Variants in TTC23 observed in about 807,000 individuals in gnomAD.
TTC23 encodes tetratricopeptide repeat protein 23.
Under a neutral mutation model 55.1 loss-of-function variants are expected in TTC23, and 58 were observed. The ratio of observed to expected loss-of-function variants is 1.05; its 90% CI spans 0.85 to 1.31. The LOEUF is 1.31. TTC23 is among the 50% of genes most tolerant of loss of function. TTC23 has a pLI of 0.00. For synonymous variants in TTC23, 203 were observed against 199.9 expected (o/e 1.02, Z -0.13); for missense variants, 516 against 534.4 (o/e 0.97, Z 0.34).
intron 12 of TTC23, chr15:99,140,117 C>G (rs2068055905): frequency 5.5e-6 from 1 of 182,476 alleles, no homozygotes. Flanking sequence ...ATGTTTGTCA[C>G]CCGGGGTAGA....
intron 12 of TTC23, chr15:99,145,332 T>C (rs1555492603): frequency 6.6e-6 from 1 of 152,202 alleles, no homozygotes; most frequent in Non-Finnish European, 1.5e-5. Flanking sequence ...CGGAGAAAGA[T>C]ATTTTTAAAA....
chr15:99,181,435 T>TA (rs1048349817), intron 9 of TTC23, among the ~76,000 whole-genome samples: 3 of 152,168 alleles, frequency 2.0e-5, no homozygotes, highest in Non-Finnish European at 4.4e-5. Context: ...GAGAAGATGT[T>TA]ATGGTGTCGT....
chr15:99,197,819 T>C (rs537135589), intron 9 of TTC23, among the ~76,000 whole-genome samples: 1 of 151,734 alleles, frequency 6.6e-6, no homozygotes, highest in African/African-American at 2.4e-5. Context: ...GGCAAGAGAA[T>C]TGCTTGAACC....
intron 13 of TTC23, among the ~76,000 whole-genome samples, chr15:99,138,904 G>A (rs1247626081): frequency 1.3e-5 from 2 of 152,214 alleles, no homozygotes; most frequent in African/African-American, 4.8e-5. Flanking sequence ...GCCTCTGCTC[G>A]GGCTGAGAAA....
intron 8 of TTC23, among the ~76,000 whole-genome samples, chr15:99,203,466 T>C (rs2076358606): frequency 6.6e-6 from 1 of 152,126 alleles, no homozygotes; most frequent in Non-Finnish European, 1.5e-5. Flanking sequence ...CATTTCTTTG[T>C]GTTAGGAACA....
At chr15:99,234,594 G>A (rs771553787) in intron 4 of TTC23, among the ~76,000 whole-genome samples, 5 of 151,936 alleles carry the variant, frequency 3.3e-5, no homozygotes, top group African/African-American at 7.3e-5. Context: ...GGATGGTCTC[G>A]ATCTCCTGAC....
chr15:99,138,611 C>T (rs1263749162), intron 13 of TTC23, among the ~76,000 whole-genome samples: 2 of 152,238 alleles, frequency 1.3e-5, no homozygotes, highest in African/African-American at 2.4e-5. Context: ...CCTCGCCTGG[C>T]CCCTCCCATC....
intron 12 of TTC23, chr15:99,139,639 A>G (rs2067990015): frequency 6.7e-7 from 1 of 1,490,064 alleles, no homozygotes; most frequent in Non-Finnish European, 9.0e-7. Flanking sequence ...TCTGTATGCA[A>G]AAAATAGATT....
At chr15:99,139,043 C>A (rs782166760) in intron 13 of TTC23, 3 of 484,266 alleles carry the variant, frequency 6.2e-6, no homozygotes, top group Non-Finnish European at 1.1e-5. Context: ...GGCCCTCCCC[C>A]TGCAGCAGGT....
chr15:99,187,810 C>T (rs1444488805), intron 9 of TTC23, among the ~76,000 whole-genome samples: 1 of 151,958 alleles, frequency 6.6e-6, no homozygotes, highest in African/African-American at 2.4e-5. Flanking sequence ...ATACTTACTA[C>T]AATGACTGAA....
chr15:99,222,007 G>T, intron 5 of TTC23, 143 bp from the exon 6 acceptor site: 1 of 923,712 alleles, frequency 1.1e-6, no homozygotes, highest in Non-Finnish European at 1.6e-6. Context: ...AGATGTATCA[G>T]AGAACAAAAC....
intron 10 of TTC23, among the ~76,000 whole-genome samples, chr15:99,162,651 G>A (rs956893973): frequency 2.6e-5 from 4 of 152,290 alleles, no homozygotes; most frequent in East Asian, 1.9e-4. Flanking sequence ...TGGTGTGGCC[G>A]GCAGAATTCT....
At chr15:99,168,232 G>A (rs748500067) in intron 10 of TTC23, among the ~76,000 whole-genome samples, 4 of 152,188 alleles carry the variant, frequency 2.6e-5, no homozygotes, top group Admixed American at 6.5e-5. Flanking sequence ...CTAGGGACAG[G>A]TGTGCATCCA....
chr15:99,151,248 C>T (rs1358527562), intron 12 of TTC23: 1 of 152,362 alleles, frequency 6.6e-6, no homozygotes, highest in Non-Finnish European at 1.5e-5. Context: ...ACCTCCACCC[C>T]AGGCCACCCA....
At chr15:99,216,037 T>C (rs1173343925) in intron 8 of TTC23, among the ~76,000 whole-genome samples, 1 of 152,168 alleles carries the variant, frequency 6.6e-6, no homozygotes, top group African/African-American at 2.4e-5. Context: ...AATAAAGTGA[T>C]AGGTTAAGAA....
At chr15:99,224,501 T>C (rs2078221805) in intron 5 of TTC23, among the ~76,000 whole-genome samples, 2 of 152,378 alleles carry the variant, frequency 1.3e-5, no homozygotes, top group South Asian at 2.1e-4. Flanking sequence ...TATTTTATTA[T>C]ATGACTATAT....
chr15:99,251,076 C>T (rs931520161), upstream of TTC23: 1 of 152,080 alleles, frequency 6.6e-6, no homozygotes, highest in African/African-American at 2.4e-5. Context: ...GAATGAGAAG[C>T]CGAGTGACTG....
At chr15:99,159,154 G>C (rs926162191) in intron 11 of TTC23, 1 of 152,310 alleles carries the variant, frequency 6.6e-6, no homozygotes, top group African/African-American at 2.4e-5. Context: ...TGGGTGACTT[G>C]GGCAAGGGCA....
intron 10 of TTC23, among the ~76,000 whole-genome samples, chr15:99,173,898 G>C (rs957582705): frequency 1.3e-5 from 2 of 152,154 alleles, no homozygotes; most frequent in African/African-American, 4.8e-5. Context: ...TTTGTGACTT[G>C]CTATTCTAGG....
Sources: gnomAD v4.1 joint callset for allele counts (sites outside exome capture counted in the v4.1 genomes callset) on GRCh38, gnomAD v4.1.1 for gene constraint, MANE v1.5 for transcripts, NCBI Gene and HGNC (gene_info 2026-07-23, HGNC 2026-07-21) for gene names.